Variants in PDE8A observed in about 807,000 individuals in gnomAD.
The protein encoded by PDE8A is high affinity cAMP-specific and IBMX-insensitive 3',5'-cyclic phosphodiesterase 8A.
A neutral mutation model predicts 105.0 loss-of-function variants in PDE8A; 59 were observed. The observed-to-expected ratio is 0.56, with a 90% CI of 0.46 to 0.70. The LOEUF (loss-of-function observed/expected upper bound fraction) is 0.70. Among genes scored for constraint, PDE8A ranks in the 30% least tolerant of loss-of-function variants. The probability of loss-of-function intolerance (pLI) is 0.00; values close to 1 mark genes in which losing one functional copy is unlikely to be tolerated. For synonymous variants in PDE8A, 355 were observed against 371.9 expected (o/e 0.95, Z 0.52); for missense variants, 1,014 against 1,045.9 (o/e 0.97, Z 0.42).
rs565122730 is a variant in PDE8A, at chr15:85,119,464, G to A, written c.1735-1333G>A. ...GCCTGGGTGACAGAGCAAGACTCTC[G>A]TCTCAAAAAAAAAAAAACATTTATT... On this transcript the variant is annotated intron_variant, in intron 17 of 21. Coordinates refer to ENST00000394553, the MANE Select transcript of PDE8A (RefSeq NM_002605.3). Among the ~76,000 whole-genome samples, 17 of 15,952 alleles carry A rather than the reference G, an allele frequency of 1.1e-3. 1 individual carries two copies. The highest frequency in any genetic ancestry group is 1.8e-3 in the Non-Finnish European group (15 of 8,252). 10.5% of individuals were successfully genotyped at this position (15,952 alleles called of 152,430 possible).
At chr15:85,033,498 C>T (rs1236107084) in intron 1 of PDE8A, among the ~76,000 whole-genome samples, 1 of 152,066 alleles carries the variant, frequency 6.6e-6, no homozygotes, top group Non-Finnish European at 1.5e-5. Context: ...TACACACAGG[C>T]TTGCAAGTAA....
At chr15:85,009,323 A>G (rs1275911776) in intron 1 of PDE8A, among the ~76,000 whole-genome samples, 1 of 152,224 alleles carries the variant, frequency 6.6e-6, no homozygotes, top group Non-Finnish European at 1.5e-5. Context: ...AGTGACTACT[A>G]GAAAATCCTT....
At chr15:85,100,254 A>C in intron 11 of PDE8A, 56 bp downstream of exon 11, 1 of 1,462,466 alleles carries the variant, frequency 6.8e-7, no homozygotes, top group East Asian at 2.3e-5. Flanking sequence ...GAAAAAAAAT[A>C]AAAACAGATC....
chr15:85,049,852 G>A (rs1443663463), intron 1 of PDE8A, among the ~76,000 whole-genome samples: 3 of 152,210 alleles, frequency 2.0e-5, no homozygotes, highest in Admixed American at 2.0e-4. Context: ...ATACCCAAAA[G>A]GGGATTGTTG....
At chr15:85,123,221 C>T (rs1227627313) in intron 19 of PDE8A, 28 bp downstream of exon 19, 2 of 1,611,676 alleles carry the variant, frequency 1.2e-6, no homozygotes, top group Admixed American at 3.3e-5. Flanking sequence ...CAAAGAGAAC[C>T]TGTGTTTGGG....
At chr15:84,994,877 G>A (rs911022687) in intron 1 of PDE8A, among the ~76,000 whole-genome samples, 4 of 151,762 alleles carry the variant, frequency 2.6e-5, no homozygotes, top group Admixed American at 1.3e-4. Flanking sequence ...CAGGAGAATC[G>A]CTTGAACCCA....
In PDE8A at chr15:85,002,956, CT is replaced by C. The variant is rs1357871119; in HGVS notation, c.186+20610del. Among the ~76,000 whole-genome samples, 4 of 152,118 alleles carry C rather than the reference CT, an allele frequency of 2.6e-5. No homozygotes were observed. The East Asian group carries it at 7.7e-4, about 29-fold the overall frequency. On this transcript the variant is annotated intron_variant, in intron 1 of 21. Coordinates refer to ENST00000394553, the MANE Select transcript of PDE8A (RefSeq NM_002605.3). ...TGGAAGAAGACCAAAATATGTATTTCTTATTATATCACAACTATACTTTGGT... is the reference window on the plus strand; with the variant it reads ...TGGAAGAAGACCAAAATATGTATTTCTATTATATCACAACTATACTTTGGT...
chr15:84,995,480 G>T (rs1454225503), intron 1 of PDE8A, among the ~76,000 whole-genome samples: 2 of 151,820 alleles, frequency 1.3e-5, no homozygotes, highest in Non-Finnish European at 2.9e-5. Flanking sequence ...ACCACTCCTG[G>T]CTAATTAAAA....
intron 20 of PDE8A, among the ~76,000 whole-genome samples, chr15:85,130,396 A>T (rs1002635209): frequency 1.3e-5 from 2 of 152,118 alleles, no homozygotes; most frequent in African/African-American, 4.8e-5. Context: ...TCCTTCCATT[A>T]CTGAGTTTTG....
At chr15:85,028,878 ATCT>A (rs1349581483) in intron 1 of PDE8A, among the ~76,000 whole-genome samples, 1 of 152,112 alleles carries the variant, frequency 6.6e-6, no homozygotes, top group African/African-American at 2.4e-5. Context: ...TCACTTTTTA[ATCT>A]TCTTTTGCAT....
upstream of PDE8A, among the ~76,000 whole-genome samples, chr15:84,980,957 C>T (rs1286660112): frequency 6.6e-6 from 1 of 152,226 alleles, no homozygotes; most frequent in Admixed American, 6.5e-5. Flanking sequence ...TGGGCTGCGG[C>T]TTCTCGCGGA....
At chr15:84,994,259 C>T (rs1416278986) in intron 1 of PDE8A, among the ~76,000 whole-genome samples, 1 of 152,186 alleles carries the variant, frequency 6.6e-6, no homozygotes, top group African/African-American at 2.4e-5. Context: ...CAGCATACTT[C>T]CTTATCTCTT....
intron 1 of PDE8A, among the ~76,000 whole-genome samples, chr15:85,040,554 G>A (rs2080787874): frequency 7.1e-6 from 1 of 141,012 alleles, no homozygotes; most frequent in African/African-American, 2.7e-5. Context: ...ATTGTTATGT[G>A]CTTATGTATT....
intron 1 of PDE8A, among the ~76,000 whole-genome samples, chr15:85,037,411 C>T (rs1428262686): frequency 6.6e-6 from 1 of 152,130 alleles, no homozygotes; most frequent in African/African-American, 2.4e-5. Flanking sequence ...TAAAAAAGAG[C>T]ATTCCAGGAC....
intron 2 of PDE8A, among the ~76,000 whole-genome samples, chr15:85,066,609 C>CACACACAT (rs1555472867): frequency 1.0e-4 from 9 of 89,872 alleles, no homozygotes; most frequent in African/African-American, 3.9e-4. Context: ...CACACACACA[C>CACACACAT]ACACACACAC....
chr15:85,070,621 A>G lies in PDE8A; in HGVS notation c.434+3417A>G, dbSNP rs552737579. ...CAGGTAGAGGGAGCGGCATGTGTAG[A>G]AACAGGCAGGACATCCGGGCACCTC... On this transcript the variant is annotated intron_variant, in intron 3 of 21. Transcript: ENST00000394553. Among the ~76,000 whole-genome samples the G allele has an allele frequency of 3.3e-5, 5 of 152,290 alleles. No individual in the cohort carries two copies. In the South Asian group the frequency reaches 1.0e-3, roughly 32 times the overall value.
rs577835954 is a variant in PDE8A, at chr15:85,108,303, A to C, written c.1037-750A>C. The stretch of plus-strand genomic sequence containing the variant: ...GAAGCCAAGACAAGGCAGAGAAGCT[A>C]CTCCATGGCTGTGGGAAGAGCTGAG... On this transcript the variant is annotated intron_variant, in intron 11 of 21. Coordinates refer to ENST00000394553, the MANE Select transcript of PDE8A (RefSeq NM_002605.3). Among the ~76,000 whole-genome samples, 4 of 152,272 alleles carry C rather than the reference A, an allele frequency of 2.6e-5. No individual in the cohort carries two copies. The East Asian group carries it at 7.7e-4, about 29-fold the overall frequency.
intron 11 of PDE8A, among the ~76,000 whole-genome samples, chr15:85,102,490 A>G (rs531629831): frequency 6.6e-6 from 1 of 151,848 alleles, no homozygotes; most frequent in South Asian, 2.1e-4. Flanking sequence ...CTACACCACA[A>G]GTTCACAGGG....
At chr15:85,137,177 G>A (rs2082424565) in intron 21 of PDE8A, among the ~76,000 whole-genome samples, 1 of 152,126 alleles carries the variant, frequency 6.6e-6, no homozygotes, top group South Asian at 2.1e-4. Flanking sequence ...GGGGCTACAG[G>A]GCTGATAAAT....
Sources: allele counts gnomAD v4.1 joint callset (sites outside exome capture counted in the v4.1 genomes callset), GRCh38; gene constraint gnomAD v4.1.1; transcripts MANE v1.5; gene names NCBI Gene and HGNC (gene_info 2026-07-23, HGNC 2026-07-21).